Variants in GARNL3 observed in about 807,000 individuals in gnomAD.
The protein encoded by GARNL3 is GTPase-activating Rap/Ran-GAP domain-like protein 3.
GARNL3 carries 63 observed loss-of-function variants against 125.0 expected under a neutral mutation model. The observed-to-expected ratio is 0.50, with a 90% CI of 0.41 to 0.62. The LOEUF is 0.62. GARNL3 is among the 20% of genes least tolerant of loss of function. The pLI is 0.00. For synonymous variants in GARNL3, 439 were observed against 457.5 expected, an observed-to-expected ratio of 0.96 and a Z score of 0.52; for missense variants, 994 against 1,244.0, an observed-to-expected ratio of 0.80 and a Z score of 3.02.
At chr9:127,349,989 G>T (rs1830341642) in intron 17 of GARNL3, among the ~76,000 whole-genome samples, 1 of 152,092 alleles carries the variant, frequency 6.6e-6, no homozygotes, top group Admixed American at 6.5e-5. Flanking sequence ...CACATTTACC[G>T]AACACCTGCT....
At chr9:127,278,666 T>G (rs1364701251) in intron 1 of GARNL3, among the ~76,000 whole-genome samples, 1 of 152,184 alleles carries the variant, frequency 6.6e-6, no homozygotes, top group Non-Finnish European at 1.5e-5. Context: ...TGTAAGAGTT[T>G]ATCACAAACT....
Position 127,365,945 on chromosome 9 carries a change from G to A in GARNL3, c.2161+579G>A, listed in dbSNP as rs555321905. Among the ~76,000 whole-genome samples the A allele has an allele frequency of 3.3e-5, 5 of 152,280 alleles. No individual in the cohort carries two copies. The East Asian group carries it at 9.6e-4, about 29-fold the overall frequency. On this transcript the variant is annotated intron_variant, in intron 22 of 27. Coordinates refer to ENST00000373387, the MANE Select transcript of GARNL3 (RefSeq NM_032293.5). ...GCCTCAGTTGGCCTAGTTTGGATTA[G>A]GTGGCAGGGTAGGTGTTGGGCAGAC... is the stretch of plus-strand genomic sequence containing the variant.
intron 1 of GARNL3, among the ~76,000 whole-genome samples, chr9:127,286,926 T>C (rs1326243934): frequency 2.0e-5 from 3 of 152,202 alleles, no homozygotes; most frequent in Non-Finnish European, 4.4e-5. Context: ...CCAGGAACTC[T>C]AAGTGGGTGG....
intron 1 of GARNL3, among the ~76,000 whole-genome samples, chr9:127,234,734 G>A (rs1460840824): frequency 1.3e-5 from 2 of 152,190 alleles, no homozygotes; most frequent in African/African-American, 4.8e-5. Flanking sequence ...CCAAGATCCA[G>A]GTACCAGCAG....
chr9:127,247,687 A>G (rs1472777632), intron 2 of GARNL3, among the ~76,000 whole-genome samples: 1 of 152,084 alleles, frequency 6.6e-6, no homozygotes, highest in Non-Finnish European at 1.5e-5. Context: ...GATACGTGAG[A>G]TATTTTGATA....
At chr9:127,326,711 CA>C (rs2065583912) in intron 7 of GARNL3, among the ~76,000 whole-genome samples, 1 of 152,110 alleles carries the variant, frequency 6.6e-6, no homozygotes, top group Non-Finnish European at 1.5e-5. Context: ...GCCTGCCTAC[CA>C]ATGTGGTGGT....
chr9:127,387,074 T>G (rs1832578768), intron 24 of GARNL3, 119 bp from the exon 25 acceptor site: 1 of 1,071,256 alleles, frequency 9.3e-7, no homozygotes. Flanking sequence ...CATCCCGCAC[T>G]GCACTGTATG....
At chr9:127,357,646 G>A (rs544574329) in intron 21 of GARNL3, among the ~76,000 whole-genome samples, 1 of 152,200 alleles carries the variant, frequency 6.6e-6, no homozygotes, top group Admixed American at 6.5e-5. Context: ...GAATAAAAGA[G>A]ATATGAAAAG....
chr9:127,247,616 C>T (rs1286874104), intron 2 of GARNL3, among the ~76,000 whole-genome samples: 1 of 152,002 alleles, frequency 6.6e-6, no homozygotes, highest in Non-Finnish European at 1.5e-5. Flanking sequence ...TATTTTTTTA[C>T]CTTTTTTTTA....
chr9:127,311,829 G>A (rs1289314597), intron 3 of GARNL3, 94 bp downstream of exon 3: 6 of 783,268 alleles, frequency 7.7e-6, no homozygotes, highest in Non-Finnish European at 1.3e-5. Context: ...AGTGAAACTA[G>A]CCATTTTAGG....
intron 2 of GARNL3, among the ~76,000 whole-genome samples, chr9:127,246,377 A>G (rs2063304077): frequency 6.6e-6 from 1 of 152,162 alleles, no homozygotes; most frequent in South Asian, 2.1e-4. Flanking sequence ...TGGTAAGCGT[A>G]TGGGTTGTGG....
intron 22 of GARNL3, among the ~76,000 whole-genome samples, chr9:127,368,403 T>C (rs1831409236): frequency 6.6e-6 from 1 of 150,590 alleles, no homozygotes; most frequent in South Asian, 2.1e-4. Context: ...CAATCTCGGC[T>C]CACTGCAACC....
At chr9:127,390,544 C>T in intron 26 of GARNL3, 97 bp from the exon 27 acceptor site, 2 of 1,063,504 alleles carry the variant, frequency 1.9e-6, no homozygotes, top group East Asian at 2.4e-5. Flanking sequence ...TCTAGCACAA[C>T]AATGCACCAG....
chr9:127,275,660 T>G (rs551043189), intron 1 of GARNL3, among the ~76,000 whole-genome samples: 32 of 152,176 alleles, frequency 2.1e-4, no homozygotes, highest in Middle Eastern at 6.8e-3. Context: ...TAGGGAGTCA[T>G]GCAAAAAAAT....
chr9:127,360,506 C>G (rs1478782189), intron 21 of GARNL3, among the ~76,000 whole-genome samples: 1 of 152,104 alleles, frequency 6.6e-6, no homozygotes, highest in Admixed American at 6.5e-5. Flanking sequence ...AGGGTACTGT[C>G]TGTCTGGGGA....
chr9:127,264,813 G>A lies in GARNL3; in HGVS notation c.-65G>A. The A allele has an allele frequency of 1.4e-6, 2 of 1,387,044 alleles. No homozygotes were observed. The allele number at this position is 1,387,044 out of a possible 1,614,324, so 85.9% of individuals were successfully genotyped here. ...CTGCTGGGGACTGTGTCTGTTGCAA[G>A]GAGGCTCCCCTGCAGTGAGGAGCCG... On this transcript the variant is annotated 5_prime_UTR_variant, in exon 1 of 28. Transcript: ENST00000373387.
At chr9:127,362,630 G>GT (rs1394565293) in intron 21 of GARNL3, 3 of 152,380 alleles carry the variant, frequency 2.0e-5, no homozygotes, top group African/African-American at 7.2e-5. Flanking sequence ...AGATAGTGAA[G>GT]TAAAACTAAC....
chr9:127,309,829 TA>T (rs2131457002), intron 2 of GARNL3, among the ~76,000 whole-genome samples: 1 of 152,322 alleles, frequency 6.6e-6, no homozygotes, highest in South Asian at 2.1e-4. Flanking sequence ...TTTAGCATGA[TA>T]AAGAAACTGA....
intron 2 of GARNL3, among the ~76,000 whole-genome samples, chr9:127,304,678 G>A (rs572658856): frequency 6.6e-6 from 1 of 151,916 alleles, no homozygotes; most frequent in Non-Finnish European, 1.5e-5. Flanking sequence ...TGGGACTACA[G>A]GCATGCGCCA....
Sources: allele counts gnomAD v4.1 joint callset (sites outside exome capture counted in the v4.1 genomes callset), GRCh38; gene constraint gnomAD v4.1.1; transcripts MANE v1.5; gene names NCBI Gene and HGNC (gene_info 2026-07-23, HGNC 2026-07-21).